Variants in HIPK3 observed in about 807,000 individuals in gnomAD.
HIPK3 encodes the protein homeodomain-interacting protein kinase 3.
HIPK3 carries 47 observed loss-of-function variants against 124.2 expected under a neutral mutation model. The observed-to-expected ratio is 0.38, with a 90% CI of 0.30 to 0.48. HIPK3 has a LOEUF of 0.48. HIPK3 is among the 20% of genes least tolerant of loss of function. The probability of loss-of-function intolerance (pLI) is 0.98; values close to 1 mark genes in which losing one functional copy is unlikely to be tolerated. For missense variants in HIPK3, 1,286 were observed against 1,454.3 expected (o/e 0.88, Z 1.88); for synonymous variants, 482 against 515.2 (o/e 0.94, Z 0.87).
At chr11:33,295,856 A>T (rs548055559) in intron 2 of HIPK3, among the ~76,000 whole-genome samples, 1 of 152,332 alleles carries the variant, frequency 6.6e-6, no homozygotes, top group Non-Finnish European at 1.5e-5. Context: ...CCAGGTTTTT[A>T]TCACTATAAA....
At chr11:33,261,837 C>T (rs1565050389) in intron 1 of HIPK3, among the ~76,000 whole-genome samples, 1 of 152,192 alleles carries the variant, frequency 6.6e-6, no homozygotes, top group Non-Finnish European at 1.5e-5. Flanking sequence ...TTCCCACCAA[C>T]AGTGTATCAG....
chr11:33,324,375 G>A (rs186380702), intron 2 of HIPK3, among the ~76,000 whole-genome samples: 24 of 152,314 alleles, frequency 1.6e-4, no homozygotes, highest in African/African-American at 5.3e-4. Context: ...CATAGAAAAT[G>A]CATGGCATGC....
intron 8 of HIPK3, among the ~76,000 whole-genome samples, chr11:33,342,371 A>C (rs1267871113): frequency 2.0e-5 from 3 of 152,166 alleles, no homozygotes; most frequent in Admixed American, 1.3e-4. Flanking sequence ...AGTTATTTAA[A>C]ATTTTGGTCA....
rs760117421 is a variant in HIPK3, at chr11:33,351,704, T to C, written c.2904T>C (p.Thr968=). Residue 968 remains threonine, a synonymous_variant, in exon 15 of 17, where the codon ACT becomes ACC. Transcript: ENST00000303296. ...SGHDSPFAES[T]FVEDTHENTE... ...ATGACAGTCCATTTGCAGAGAGCAC[T>C]TTTGTGGAGGACACTCATGAAAACA... 3.1e-6 allele frequency: 5 copies of C among 1,614,066 alleles called. No homozygotes were observed. In the African/African-American group the frequency reaches 6.7e-5, roughly 22 times the overall value.
chr11:33,268,427 CTA>C (rs1851031522), intron 1 of HIPK3, among the ~76,000 whole-genome samples: 1 of 151,406 alleles, frequency 6.6e-6, no homozygotes, highest in South Asian at 2.1e-4. Context: ...GACTCCATCT[CTA>C]TAAAAAATAC....
At chr11:33,341,875 G>A (rs1033518018) in intron 8 of HIPK3, among the ~76,000 whole-genome samples, 189 bp downstream of exon 8, 1 of 152,016 alleles carries the variant, frequency 6.6e-6, no homozygotes, top group Non-Finnish European at 1.5e-5. Flanking sequence ...TGAGGTAGGC[G>A]GATCACTTGA....
intron 2 of HIPK3, among the ~76,000 whole-genome samples, chr11:33,295,390 C>T (rs547648876): frequency 2.6e-4 from 39 of 150,698 alleles, no homozygotes; most frequent in African/African-American, 9.2e-4. Flanking sequence ...TGCTTTGTTC[C>T]CCACAACCCC....
At position 33,287,418 on chromosome 11, in the gene HIPK3, G is replaced by A. The variant is rs143910249; in HGVS notation, c.1004G>A (p.Arg335Gln). 6 of 1,613,992 alleles carry A rather than the reference G, an allele frequency of 3.7e-6. No homozygotes were observed. In the African/African-American group the frequency reaches 6.7e-5, roughly 18 times the overall value. ...PENIMLVDPV[R>Q]QPYRVKVIDF... is the part of the protein sequence containing the mutation. ...AATATTATGTTGGTGGATCCTGTTC[G>A]GCAGCCTTACAGGGTTAAAGTAATA... Residue 335 changes from arginine to glutamine, a missense_variant, in exon 2 of 17, where the codon CGG (arginine) becomes CAG (glutamine). Physicochemically the swap from Arg to Gln is conservative, Grantham distance 43 (BLOSUM62 1). Transcript: ENST00000303296.
At chr11:33,304,160 C>T (rs1034598768) in intron 2 of HIPK3, among the ~76,000 whole-genome samples, 10 of 152,036 alleles carry the variant, frequency 6.6e-5, no homozygotes, top group African/African-American at 2.2e-4. Context: ...AGGATGGTCT[C>T]CATCTCCTGA....
Position 33,353,164 on chromosome 11 carries a change from C to T in HIPK3, c.3244C>T (p.Pro1082Ser), listed in dbSNP as rs1853717358. The change falls in exon 17 of 17, where the codon CCT (proline) becomes TCT (serine). Residue 1082 changes from proline to serine, a missense_variant. This residue lies in a region of HIPK3 where 810 missense variants were observed against 864.9 expected (regional missense o/e 0.94). Transcript: ENST00000303296. ...GCACAGAAGACAGCAAGCTTATATT[C>T]CTACTAGTGTTACCAGTAATCCATT... Reference protein sequence around the residue: ...FGHRRQQAYIPTSVTSNPFTL... With the variant: ...FGHRRQQAYISTSVTSNPFTL... 13 of 1,613,612 alleles carry T rather than the reference C, an allele frequency of 8.1e-6. No homozygotes were observed. The highest frequency in any genetic ancestry group is 1.0e-5 in the Non-Finnish European group (12 of 1,179,756).
rs1213555931 is a variant in HIPK3 at position 33,311,870 on chromosome 11, T to TAC, written c.1098-16629_1098-16628dup. On this transcript the variant is annotated intron_variant, in intron 2 of 16. Coordinates refer to ENST00000303296, the MANE Select transcript of HIPK3 (RefSeq NM_005734.5). ...CACACACACACACACACACACACAC[T>TAC]ACACACACACACTTGGGCAACATAG... 4.3e-3 allele frequency among the ~76,000 whole-genome samples: 113 copies of TAC among 26,286 alleles called. 2 individuals carry two copies. Among genetic ancestry groups the TAC allele is most frequent in the Middle Eastern group, 0.019 (1 of 52 alleles). 17.2% of individuals were successfully genotyped at this position (26,286 alleles called of 152,430 possible).
intron 1 of HIPK3, among the ~76,000 whole-genome samples, chr11:33,266,789 A>G (rs1850977197): frequency 6.6e-6 from 1 of 152,172 alleles, no homozygotes; most frequent in African/African-American, 2.4e-5. Flanking sequence ...CCAAGTCCTG[A>G]TGGAAAAAAA....
At chr11:33,322,364 T>G (rs1479150224) in intron 2 of HIPK3, among the ~76,000 whole-genome samples, 3 of 152,192 alleles carry the variant, frequency 2.0e-5, no homozygotes, top group Admixed American at 2.0e-4. Context: ...TGAAGGGAAT[T>G]GCATGCATGA....
intron 2 of HIPK3, among the ~76,000 whole-genome samples, chr11:33,316,215 T>G (rs1852497964): frequency 6.6e-6 from 1 of 152,242 alleles, no homozygotes; most frequent in Non-Finnish European, 1.5e-5. Context: ...GGTTTGTTGC[T>G]TGTTTTAAAA....
chr11:33,326,294 G>T (rs1246358710), intron 2 of HIPK3, among the ~76,000 whole-genome samples: 1 of 152,156 alleles, frequency 6.6e-6, no homozygotes, highest in Non-Finnish European at 1.5e-5. Context: ...TTGGTGTAGG[G>T]TGTGGCCAGG....
Position 33,292,779 on chromosome 11 carries a change from A to G in HIPK3, c.1097+5268A>G, listed in dbSNP as rs535797622. ...AAGATGGAGTCTCGCTCTGTTGCCC[A>G]GGCTGGAGTGCAGTGGCACAATCTC... On this transcript the variant is annotated intron_variant, in intron 2 of 16. Coordinates refer to ENST00000303296, the MANE Select transcript of HIPK3 (RefSeq NM_005734.5). 4.7e-4 allele frequency among the ~76,000 whole-genome samples: 71 copies of G among 152,328 alleles called. 2 individuals are homozygous for G. The South Asian group carries it at 0.014, about 29-fold the overall frequency.
At chr11:33,275,937 A>G (rs1230309284) in intron 1 of HIPK3, among the ~76,000 whole-genome samples, 1 of 152,216 alleles carries the variant, frequency 6.6e-6, no homozygotes, top group Non-Finnish European at 1.5e-5. Flanking sequence ...CGCCTACCAT[A>G]TTTGGCTGTT....
Position 33,348,070 on chromosome 11 carries a change from T to C in HIPK3, c.2306+57T>C. 5.6e-6 allele frequency: 9 copies of C among 1,610,176 alleles called. No individual in the cohort carries two copies. In the South Asian group the frequency reaches 8.8e-5, roughly 16 times the overall value. ...TTTTGAGAATCTTTTAAATGAATTTTGCATGTACTCTAAAGGGTCACTCTG... is the reference window on the plus strand; with the variant it reads ...TTTTGAGAATCTTTTAAATGAATTTCGCATGTACTCTAAAGGGTCACTCTG... On this transcript the variant is annotated intron_variant, in intron 11 of 16. Coordinates refer to ENST00000303296, the MANE Select transcript of HIPK3 (RefSeq NM_005734.5).
At chr11:33,303,040 C>T (rs1852050781) in intron 2 of HIPK3, among the ~76,000 whole-genome samples, 1 of 152,154 alleles carries the variant, frequency 6.6e-6, no homozygotes. Context: ...CCAGTCTGAT[C>T]TGTCATTTCA....
Sources: gnomAD v4.1 joint callset for allele counts (sites outside exome capture counted in the v4.1 genomes callset) on GRCh38, gnomAD v4.1.1 for gene constraint, gnomAD v4.1.1 regional missense constraint, MANE v1.5 for transcripts, NCBI Gene and HGNC (gene_info 2026-07-23, HGNC 2026-07-21) for gene names.